Variants in THSD7A observed in about 807,000 individuals in gnomAD.
THSD7A encodes thrombospondin type 1 domain containing 7A.
THSD7A carries 96 observed loss-of-function variants against 231.3 expected under a neutral mutation model. The ratio of observed to expected loss-of-function variants is 0.41; its 90% CI spans 0.35 to 0.49. THSD7A has a LOEUF of 0.49. Ranked by LOEUF, THSD7A falls within the 20% of genes least tolerant of loss-of-function variation. The pLI, the probability that THSD7A is intolerant of heterozygous loss-of-function variation, is 0.05. For synonymous variants in THSD7A, 940 were observed against 743.3 expected (o/e 1.26, Z -4.30); for missense variants, 2,290 against 2,070.2 (o/e 1.11, Z -2.06).
intron 2 of THSD7A, among the ~76,000 whole-genome samples, chr7:11,616,873 T>G (rs907848161): frequency 7.2e-5 from 11 of 152,226 alleles, no homozygotes; most frequent in Admixed American, 1.3e-4. Context: ...GTGAGGCTGT[T>G]AATCCTCACA....
At chr7:11,695,871 A>G (rs564735759) in intron 1 of THSD7A, among the ~76,000 whole-genome samples, 2 of 151,702 alleles carry the variant, frequency 1.3e-5, no homozygotes, top group South Asian at 4.1e-4. Flanking sequence ...TGGAAGCAAT[A>G]TAAATAAAAG....
intron 1 of THSD7A, among the ~76,000 whole-genome samples, chr7:11,767,813 TGGGTTGAGGACAACAGAAGCTCCAAC>T (rs968145462): frequency 6.6e-6 from 1 of 152,058 alleles, no homozygotes; most frequent in Non-Finnish European, 1.5e-5. Context: ...TAGAAAACAA[TGGGTTGAGGACAACAGAAGCTCCAAC>T]AAGGAAACAG....
intron 4 of THSD7A, among the ~76,000 whole-genome samples, chr7:11,582,118 A>G (rs536471570): frequency 1.1e-4 from 16 of 152,178 alleles, no homozygotes; most frequent in African/African-American, 3.8e-4. Flanking sequence ...GTCCGTGTAA[A>G]AAAATCGGTA....
chr7:11,442,870 G>A (rs1298837401), intron 13 of THSD7A, among the ~76,000 whole-genome samples: 1 of 151,992 alleles, frequency 6.6e-6, no homozygotes, highest in Non-Finnish European at 1.5e-5. Flanking sequence ...GATCCTTTCG[G>A]AATCCCCACG....
Position 11,593,273 on chromosome 7 carries a change from C to T in THSD7A, c.1252G>A (p.Gly418Arg), listed in dbSNP as rs1437786625. Reference protein sequence around the residue: ...EKEPCLSQGDGVVPCATYGWR... With the variant: ...EKEPCLSQGDRVVPCATYGWR... ...ACTCACGTGGCACAGGGGACAACTC[C>T]ATCTCCTTGAGACAAACAGGGTTCT... The change falls in exon 3 of 28, where the codon GGA becomes AGA. Residue 418 changes from glycine (G) to arginine (R), a missense_variant. Physicochemically the swap from Gly to Arg is moderately radical, Grantham distance 125 (BLOSUM62 -2). Coordinates refer to ENST00000423059, the MANE Select transcript of THSD7A (RefSeq NM_015204.3). The T allele has an allele frequency of 3.1e-6, 5 of 1,613,846 alleles. No individual in the cohort carries two copies. The African/African-American group carries it at 4.0e-5, about 13-fold the overall frequency.
At chr7:11,811,685 T>C (rs1323890652) in intron 1 of THSD7A, among the ~76,000 whole-genome samples, 1 of 152,192 alleles carries the variant, frequency 6.6e-6, no homozygotes, top group Non-Finnish European at 1.5e-5. Flanking sequence ...ACTAGTTCTT[T>C]TACCTGCAAT....
In THSD7A at chr7:11,811,529, C is replaced by A. The variant is rs1204995977; in HGVS notation, c.190+20228G>T. Reference sequence around the variant, plus strand: ...GTATAAATCCCTGAATACTGACAGTCCTAATTTTCATCTCCTTCATCATAT... The same window carrying A: ...GTATAAATCCCTGAATACTGACAGTACTAATTTTCATCTCCTTCATCATAT... On this transcript the variant is annotated intron_variant, in intron 1 of 27. Coordinates refer to ENST00000423059, the MANE Select transcript of THSD7A (RefSeq NM_015204.3). 2.6e-5 allele frequency among the ~76,000 whole-genome samples: 4 copies of A among 152,128 alleles called. No homozygotes were observed. In the East Asian group the frequency reaches 7.7e-4, roughly 29 times the overall value.
intron 1 of THSD7A, among the ~76,000 whole-genome samples, chr7:11,809,358 C>G (rs756473373): frequency 2.6e-5 from 4 of 152,150 alleles, no homozygotes; most frequent in Admixed American, 1.3e-4. Flanking sequence ...TGATTCTTGA[C>G]AGGAGAGTAA....
chr7:11,462,111 G>A lies in THSD7A; in HGVS notation c.2401C>T (p.Arg801Trp). 1 of 1,613,742 alleles carries A rather than the reference G, an allele frequency of 6.2e-7. No homozygotes were observed. Among genetic ancestry groups the A allele is most frequent in the Non-Finnish European group, 8.5e-7 (1 of 1,179,742 alleles). Residue 801 changes from arginine (R) to tryptophan (W), a missense_variant, in exon 10 of 28, where the codon CGG becomes TGG. Physicochemically the swap from Arg to Trp is moderately radical, Grantham distance 101. Coordinates refer to ENST00000423059, the MANE Select transcript of THSD7A (RefSeq NM_015204.3). Reference protein sequence around the residue: ...DSSIRKQSRHRVIIQLPANGG... With the variant: ...DSSIRKQSRHWVIIQLPANGG... ...TTGGCTGGCAGCTGAATGATGACCC[G>A]ATGCCTAGACTGCTTCCTGATACTG...
At chr7:11,449,598 T>C (rs918811419) in intron 11 of THSD7A, among the ~76,000 whole-genome samples, 1 of 152,016 alleles carries the variant, frequency 6.6e-6, no homozygotes, top group Non-Finnish European at 1.5e-5. Context: ...AAGGGCATGA[T>C]AGAAATTTGT....
intron 13 of THSD7A, among the ~76,000 whole-genome samples, chr7:11,438,652 T>C (rs1341714580): frequency 6.6e-6 from 1 of 152,036 alleles, no homozygotes; most frequent in Non-Finnish European, 1.5e-5. Flanking sequence ...AACTATTTAA[T>C]TGTTACTACA....
chr7:11,557,742 G>A (rs189298877), intron 4 of THSD7A, among the ~76,000 whole-genome samples: 1 of 152,140 alleles, frequency 6.6e-6, no homozygotes. Flanking sequence ...GTGGCTGTGT[G>A]TACTGGTTGC....
chr7:11,481,681 T>A (rs1015371713), intron 7 of THSD7A, 107 bp downstream of exon 7: 95 of 1,194,432 alleles, frequency 8.0e-5, no homozygotes, highest in Non-Finnish European at 1.1e-4. Flanking sequence ...ATGGCTGAAT[T>A]TCTGGTTGTT....
chr7:11,621,513 C>T (rs1781310508), intron 2 of THSD7A, among the ~76,000 whole-genome samples: 1 of 152,112 alleles, frequency 6.6e-6, no homozygotes, highest in Non-Finnish European at 1.5e-5. Context: ...TTTGGTTTAC[C>T]TTACTTTTTT....
chr7:11,669,690 TTAA>T lies in THSD7A; in HGVS notation c.191-32732_191-32730del, dbSNP rs912742677. 6.6e-5 allele frequency among the ~76,000 whole-genome samples: 10 copies of T among 152,084 alleles called. No individual in the cohort carries two copies. In the East Asian group the frequency reaches 9.7e-4, roughly 15 times the overall value. ...TATATGAATATAAATTATTAATAAA[TTAA>T]TAATTTACATAAATGAGTCATAACT... On this transcript the variant is annotated intron_variant, in intron 1 of 27. Coordinates refer to ENST00000423059, the MANE Select transcript of THSD7A (RefSeq NM_015204.3).
At chr7:11,495,692 A>G (rs1787068755) in intron 6 of THSD7A, among the ~76,000 whole-genome samples, 1 of 152,144 alleles carries the variant, frequency 6.6e-6, no homozygotes, top group African/African-American at 2.4e-5. Context: ...GCACATATTA[A>G]AGATGGAATA....
chr7:11,448,808 C>A (rs1489527597), intron 11 of THSD7A, among the ~76,000 whole-genome samples: 1 of 152,066 alleles, frequency 6.6e-6, no homozygotes, highest in Non-Finnish European at 1.5e-5. Flanking sequence ...ATGCACTTCC[C>A]TATTTCTTAG....
chr7:11,479,480 G>A (rs1786333521), intron 7 of THSD7A, among the ~76,000 whole-genome samples: 3 of 152,124 alleles, frequency 2.0e-5, no homozygotes, highest in South Asian at 4.1e-4. Context: ...AGAAATTTAA[G>A]AACATTTATG....
intron 1 of THSD7A, among the ~76,000 whole-genome samples, chr7:11,718,168 T>C (rs1338105941): frequency 1.3e-5 from 2 of 151,636 alleles, no homozygotes; most frequent in Non-Finnish European, 3.0e-5. Context: ...ATTTGATATA[T>C]AGTATAGCAA....
Sources: gnomAD v4.1 joint callset for allele counts (sites outside exome capture counted in the v4.1 genomes callset) on GRCh38, gnomAD v4.1.1 for gene constraint, MANE v1.5 for transcripts, NCBI Gene and HGNC (gene_info 2026-07-23, HGNC 2026-07-21) for gene names.